Variants in BMERB1 observed in about 807,000 individuals in gnomAD.
BMERB1 encodes the protein bMERB domain-containing protein 1.
In BMERB1, 12 loss-of-function variants were observed where a neutral mutation model predicts 23.6. That is an observed-to-expected ratio of 0.51 (90% CI 0.33 to 0.82). BMERB1 has a LOEUF of 0.82. Ranked by LOEUF, BMERB1 falls within the 40% of genes least tolerant of loss-of-function variation. The pLI is 0.03. For missense variants in BMERB1, 247 were observed against 255.4 expected (o/e 0.97, Z 0.22); for synonymous variants, 122 against 96.6 (o/e 1.26, Z -1.54).
chr16:15,504,644 G>T (rs1025723882), intron 1 of BMERB1, among the ~76,000 whole-genome samples: 2 of 151,650 alleles, frequency 1.3e-5, no homozygotes, highest in Non-Finnish European at 2.9e-5. Flanking sequence ...GTAGAGATGG[G>T]GTCTTGCTCT....
chr16:15,490,932 G>A (rs944765486), intron 1 of BMERB1, among the ~76,000 whole-genome samples: 1 of 152,050 alleles, frequency 6.6e-6, no homozygotes, highest in East Asian at 1.9e-4. Context: ...AACCTCCACC[G>A]CCTTCTGGGC....
intron 2 of BMERB1, among the ~76,000 whole-genome samples, chr16:15,563,775 C>T (rs1169533040): frequency 2.0e-5 from 3 of 152,100 alleles, no homozygotes; most frequent in Non-Finnish European, 2.9e-5. Context: ...GCAAGGGAGA[C>T]GTCCACCCCC....
At chr16:15,498,384 C>T (rs948484382) in intron 1 of BMERB1, among the ~76,000 whole-genome samples, 6 of 151,888 alleles carry the variant, frequency 4.0e-5, no homozygotes, top group Admixed American at 3.3e-4. Context: ...ATTAAAAGGA[C>T]GTGATGGTGC....
chr16:15,587,678 A>G lies in BMERB1; in HGVS notation c.*849A>G, dbSNP rs116165738. The G allele has an allele frequency of 8.3e-3, 2,530 of 305,020 alleles. 67 individuals are homozygous for G. Among genetic ancestry groups the G allele is most frequent in the African/African-American group, 0.052 (2,353 of 45,030 alleles). The allele number at this position is 305,020 out of a possible 1,614,324, so 18.9% of individuals were successfully genotyped here. The stretch of plus-strand genomic sequence containing the variant: ...ACCACAGAGATGCCAGCAGGATGCC[A>G]CTTTGCCAGCCCGACACACGGACCT... On this transcript the variant is annotated 3_prime_UTR_variant, in exon 6 of 6. Coordinates refer to ENST00000300006, the MANE Select transcript of BMERB1 (RefSeq NM_033201.3).
chr16:15,529,538 G>A (rs993183846), intron 2 of BMERB1, among the ~76,000 whole-genome samples: 2 of 152,124 alleles, frequency 1.3e-5, no homozygotes, highest in Non-Finnish European at 2.9e-5. Flanking sequence ...ATTGGTGTGA[G>A]TGTATGTTCA....
chr16:15,586,887 G>A lies in BMERB1; in HGVS notation c.*58G>A. ...CCCCCCCCACCCTCTTGTCTTTATAGCCCCCATTTCACCGGGGCCCAAGAG... is the reference window on the plus strand; with the variant it reads ...CCCCCCCCACCCTCTTGTCTTTATAACCCCCATTTCACCGGGGCCCAAGAG... On this transcript the variant is annotated 3_prime_UTR_variant, in exon 6 of 6. Transcript: ENST00000300006. The A allele has an allele frequency of 1.8e-6, 2 of 1,139,838 alleles. No individual in the cohort carries two copies. Among genetic ancestry groups the A allele is most frequent in the East Asian group, 2.6e-5 (1 of 38,690 alleles). The allele number at this position is 1,139,838 out of a possible 1,614,324, so 70.6% of individuals were successfully genotyped here.
intron 2 of BMERB1, among the ~76,000 whole-genome samples, chr16:15,551,303 T>C (rs2030084949): frequency 6.6e-6 from 1 of 152,162 alleles, no homozygotes. Flanking sequence ...CCTTGTGTAT[T>C]TACTGCAATG....
chr16:15,524,430 G>C (rs2150957027), intron 2 of BMERB1, among the ~76,000 whole-genome samples: 1 of 152,264 alleles, frequency 6.6e-6, no homozygotes, highest in South Asian at 2.1e-4. Context: ...TAAATGTACT[G>C]GGAGGTGGGG....
At chr16:15,485,712 G>A (rs1371637890) in intron 1 of BMERB1, among the ~76,000 whole-genome samples, 1 of 149,122 alleles carries the variant, frequency 6.7e-6, no homozygotes. Flanking sequence ...TCCCCCCCAG[G>A]CCAAAAAAAA....
intron 1 of BMERB1, among the ~76,000 whole-genome samples, chr16:15,471,433 A>T (rs189990227): frequency 6.6e-6 from 1 of 152,106 alleles, no homozygotes; most frequent in Non-Finnish European, 1.5e-5. Context: ...TTCGTCTTGG[A>T]TGAGTTTGGT....
At chr16:15,446,484 C>T (rs966283650) in intron 1 of BMERB1, among the ~76,000 whole-genome samples, 8 of 152,194 alleles carry the variant, frequency 5.3e-5, no homozygotes, top group African/African-American at 1.7e-4. Context: ...GCATCCTCCG[C>T]TCCTTACAAA....
intron 1 of BMERB1, among the ~76,000 whole-genome samples, chr16:15,445,803 G>T (rs1038038048): frequency 5.3e-5 from 8 of 152,136 alleles, no homozygotes; most frequent in African/African-American, 1.9e-4. Context: ...GAGAGCAAGT[G>T]TCTCTACAAA....
At chr16:15,443,892 A>G (rs2050962949) in intron 1 of BMERB1, among the ~76,000 whole-genome samples, 1 of 151,936 alleles carries the variant, frequency 6.6e-6, no homozygotes, top group African/African-American at 2.4e-5. Flanking sequence ...AGCCTGAACA[A>G]CAGAGCGAGA....
chr16:15,535,370 A>T (rs527589153), intron 2 of BMERB1, among the ~76,000 whole-genome samples: 1 of 151,808 alleles, frequency 6.6e-6, no homozygotes, highest in Non-Finnish European at 1.5e-5. Context: ...AAAGAGGGCC[A>T]GGTGCGGTGG....
At chr16:15,518,972 TC>T (rs2051813251) in intron 2 of BMERB1, among the ~76,000 whole-genome samples, 1 of 152,088 alleles carries the variant, frequency 6.6e-6, no homozygotes, top group Non-Finnish European at 1.5e-5. Context: ...CACAACGTCT[TC>T]CCAGCATTTG....
At chr16:15,530,698 A>T (rs1435363062) in intron 2 of BMERB1, among the ~76,000 whole-genome samples, 2 of 152,110 alleles carry the variant, frequency 1.3e-5, no homozygotes, top group Non-Finnish European at 2.9e-5. Flanking sequence ...TAATTCAATC[A>T]TGTGGGTGGT....
chr16:15,471,785 C>T (rs2051231447), intron 1 of BMERB1, among the ~76,000 whole-genome samples: 1 of 152,062 alleles, frequency 6.6e-6, no homozygotes, highest in Non-Finnish European at 1.5e-5. Context: ...GCTATGTTCC[C>T]CTGGCTGGTC....
intron 2 of BMERB1, among the ~76,000 whole-genome samples, chr16:15,543,165 A>G (rs961990531): frequency 1.3e-5 from 2 of 152,018 alleles, no homozygotes; most frequent in Admixed American, 6.6e-5. Flanking sequence ...CTTCCCCTGG[A>G]GTTCAGCCAT....
intron 1 of BMERB1, among the ~76,000 whole-genome samples, chr16:15,461,407 C>G (rs2051134532): frequency 6.6e-6 from 1 of 152,034 alleles, no homozygotes; most frequent in Admixed American, 6.6e-5. Flanking sequence ...ACCTTCTTTC[C>G]TTTCTTCTTT....
Sources: gnomAD v4.1 joint callset for allele counts (sites outside exome capture counted in the v4.1 genomes callset) on GRCh38, gnomAD v4.1.1 for gene constraint, MANE v1.5 for transcripts, NCBI Gene and HGNC (gene_info 2026-07-23, HGNC 2026-07-21) for gene names.